PKNOX1: variants seen among roughly 807,000 people sequenced by gnomAD.
PKNOX1 encodes the protein PBX/knotted 1 homeobox 1, also known as homeobox protein PKNOX1.
Under a neutral mutation model 51.9 loss-of-function variants are expected in PKNOX1, and 15 were observed. The ratio of observed to expected loss-of-function variants is 0.29; its 90% confidence interval spans 0.19 to 0.45. PKNOX1 has a LOEUF of 0.45. Among genes scored for constraint, PKNOX1 ranks in the 20% least tolerant of loss-of-function variants. PKNOX1 has a pLI of 1.00. For synonymous variants in PKNOX1, 219 were observed against 211.1 expected, an observed-to-expected ratio of 1.04 and a Z score of -0.32; for missense variants, 462 against 547.5, an observed-to-expected ratio of 0.84 and a Z score of 1.56.
rs147829280 is a variant in PKNOX1, at chr21:43,019,987, T to C, written c.721-1316T>C. On this transcript the variant is annotated intron_variant, in intron 7 of 10. Coordinates refer to ENST00000291547, the MANE Select transcript of PKNOX1 (RefSeq NM_004571.5). ...TCGCTCTGTTACCCAGGCTGGAGTA[T>C]AGTGGCACAAACACAGCTCACTGAA... Among the ~76,000 whole-genome samples, 7 of 149,382 alleles carry C rather than the reference T, an allele frequency of 4.7e-5. No homozygotes were observed. The East Asian group carries it at 9.9e-4, about 21-fold the overall frequency.
At position 43,010,033 on chromosome 21, in the gene PKNOX1, T is replaced by A. The variant is rs1014339326; in HGVS notation, c.180-20T>A. On this transcript the variant is annotated intron_variant, in intron 3 of 10. Transcript: ENST00000291547. The stretch of plus-strand genomic sequence containing the variant: ...GAGATGTAGAACGTAAATGGATTCT[T>A]TTTTTTCTTTTCTCCTCAGGCATCC... 5 of 1,507,214 alleles carry A rather than the reference T, an allele frequency of 3.3e-6. No homozygotes were observed. In the African/African-American group the frequency reaches 7.1e-5, roughly 21 times the overall value. The allele number at this position is 1,507,214 out of a possible 1,614,324, so 93.4% of individuals were successfully genotyped here. A position where few individuals can be genotyped will look rare whatever the true frequency, so the allele number is the denominator to read the frequency against.
intron 1 of PKNOX1, 33 bp from the exon 2 acceptor site, chr21:43,004,293 A>G (rs1601287263): frequency 5.5e-6 from 5 of 910,896 alleles, no homozygotes; most frequent in Non-Finnish European, 9.1e-6. Context: ...CTCTACAACT[A>G]TTAACTGATG....
intron 1 of PKNOX1, among the ~76,000 whole-genome samples, chr21:42,979,944 C>A (rs537220449): frequency 6.6e-6 from 1 of 152,182 alleles, no homozygotes; most frequent in Non-Finnish European, 1.5e-5. Context: ...TGACTTGTTT[C>A]AAAGATTAAC....
At chr21:42,975,158 G>C (rs2058987254) in intron 1 of PKNOX1, among the ~76,000 whole-genome samples, 1 of 146,004 alleles carries the variant, frequency 6.8e-6, no homozygotes, top group African/African-American at 2.5e-5. Flanking sequence ...GGTCGGGTCC[G>C]CGGCCTCGCG....
At chr21:42,998,957 C>A (rs1316883999) in intron 1 of PKNOX1, among the ~76,000 whole-genome samples, 1 of 152,220 alleles carries the variant, frequency 6.6e-6, no homozygotes. Context: ...CTAGGCAGTG[C>A]CCCAGTAGGG....
At chr21:43,016,744 G>A (rs1037105690) in intron 5 of PKNOX1, among the ~76,000 whole-genome samples, 164 bp from the exon 6 acceptor site, 7 of 152,174 alleles carry the variant, frequency 4.6e-5, no homozygotes, top group South Asian at 4.1e-4. Flanking sequence ...CTTGCTTTCC[G>A]TGTGTGCTGC....
In PKNOX1 at chr21:43,028,774, GA is replaced by G; in HGVS notation, c.1006del (p.Thr336LeufsTer41). On this transcript the variant is annotated frameshift_variant, in exon 10 of 11. Coordinates refer to ENST00000291547, the MANE Select transcript of PKNOX1 (RefSeq NM_004571.5). LOFTEE classifies it high-confidence loss of function. ...SSCSETPKTK[K>X]KTAQNRPVQR... The stretch of plus-strand genomic sequence containing the variant: ...GTTGTTCAGAGACCCCCAAAACAAA[GA>G]AAAAAACTGCTCAGAACCGGCCAGT... 6.2e-7 allele frequency: 1 copy of G among 1,614,094 alleles called. No homozygotes were observed. The highest frequency in any genetic ancestry group is 8.5e-7 in the Non-Finnish European group (1 of 1,180,000).
intron 1 of PKNOX1, among the ~76,000 whole-genome samples, chr21:42,992,566 C>T (rs442965): frequency 0.2 from 31,177 of 152,098 alleles, 3,589 homozygotes; most frequent in Non-Finnish European, 0.25. Flanking sequence ...GACGACTCAG[C>T]GGCTGGGGGT....
intron 8 of PKNOX1, among the ~76,000 whole-genome samples, chr21:43,022,660 G>A (rs1160627607): frequency 1.3e-5 from 2 of 152,182 alleles, no homozygotes; most frequent in Non-Finnish European, 1.5e-5. Flanking sequence ...GGGCTGCTCC[G>A]AGAAATTGGT....
intron 1 of PKNOX1, among the ~76,000 whole-genome samples, chr21:42,994,026 C>G (rs1978369862): frequency 1.6e-5 from 2 of 122,800 alleles, no homozygotes; most frequent in Non-Finnish European, 3.4e-5. Flanking sequence ...GCCGCCGCGC[C>G]CAGCCTTTTT....
At chr21:42,979,100 T>C (rs867374344) in intron 1 of PKNOX1, among the ~76,000 whole-genome samples, 1 of 152,308 alleles carries the variant, frequency 6.6e-6, no homozygotes, top group Middle Eastern at 3.4e-3. Context: ...GAGGTCTCAT[T>C]ATGTTGCCTC....
rs146932438 is a variant in PKNOX1, at chr21:43,015,532, T to A, written c.523-1376T>A. On this transcript the variant is annotated intron_variant, in intron 5 of 10. Coordinates refer to ENST00000291547, the MANE Select transcript of PKNOX1 (RefSeq NM_004571.5). ...TGTCTATATTTGTAAGGGATATTGG[T>A]GTATAGTTTTGTTTTTCATACTGTC... 2.0e-4 allele frequency among the ~76,000 whole-genome samples: 30 copies of A among 152,344 alleles called. No individual in the cohort carries two copies. In the East Asian group the frequency reaches 5.6e-3, roughly 28 times the overall value.
Position 43,032,470 on chromosome 21 carries a change from C to A in PKNOX1, c.*2369C>A, listed in dbSNP as rs1327890835. ...TGGATTGAATTTAAGAGTGCTGCCC[C>A]TGCCCGGCGCAGTAGGGCGTGCCTC... is the stretch of plus-strand genomic sequence containing the variant. On this transcript the variant is annotated 3_prime_UTR_variant, in exon 11 of 11. Coordinates refer to ENST00000291547, the MANE Select transcript of PKNOX1 (RefSeq NM_004571.5). 4 of 275,336 alleles carry A rather than the reference C, an allele frequency of 1.5e-5. No individual in the cohort carries two copies. Among genetic ancestry groups the A allele is most frequent in the Non-Finnish European group, 3.0e-5 (4 of 135,038 alleles). The allele number at this position is 275,336 out of a possible 1,614,324, so 17.1% of individuals were successfully genotyped here. A position where few individuals can be genotyped will look rare whatever the true frequency, so the allele number is the denominator to read the frequency against.
At chr21:42,984,713 C>T (rs372678724) in intron 1 of PKNOX1, among the ~76,000 whole-genome samples, 11 of 151,706 alleles carry the variant, frequency 7.3e-5, no homozygotes, top group South Asian at 6.2e-4. Flanking sequence ...TATTATTTTA[C>T]GGCCATGCTC....
At chr21:42,985,126 T>C (rs763417116) in intron 1 of PKNOX1, among the ~76,000 whole-genome samples, 2 of 151,878 alleles carry the variant, frequency 1.3e-5, no homozygotes, top group Non-Finnish European at 2.9e-5. Flanking sequence ...TAGCTGGGAC[T>C]ACAGGCATGC....
At chr21:42,985,988 G>A (rs1397319433) in intron 1 of PKNOX1, among the ~76,000 whole-genome samples, 5 of 136,372 alleles carry the variant, frequency 3.7e-5, no homozygotes, top group African/African-American at 1.1e-4. Context: ...GCAACAGAGC[G>A]AGGCTCTGTC....
rs1337638444 is a variant in PKNOX1 at position 43,029,994 on chromosome 21, G to C, written c.1204G>C (p.Gly402Arg). 6.2e-7 allele frequency: 1 copy of C among 1,614,092 alleles called. No homozygotes were observed. The highest frequency in any genetic ancestry group is 1.1e-5 in the South Asian group (1 of 91,080). ...TLAVQQVMMA[G>R]QSEDESVDST... Reference sequence around the variant, plus strand: ...GGCGGTGCAGCAGGTCATGATGGCAGGGCAGAGCGAGGACGAGTCTGTGGA... The same window carrying C: ...GGCGGTGCAGCAGGTCATGATGGCACGGCAGAGCGAGGACGAGTCTGTGGA... The change falls in exon 11 of 11, where the codon GGG becomes CGG. Residue 402 changes from glycine (G) to arginine (R), a missense_variant. By Grantham distance (125) the Gly-to-Arg change is moderately radical (BLOSUM62 -2). Around this residue, in one of 5 missense-constraint regions of PKNOX1, gnomAD observed 118 missense variants for 116.8 expected, o/e 1.01. Coordinates refer to ENST00000291547, the MANE Select transcript of PKNOX1 (RefSeq NM_004571.5).
At chr21:43,017,572 A>G (rs1979549635) in intron 6 of PKNOX1, 1 of 152,222 alleles carries the variant, frequency 6.6e-6, no homozygotes, top group Admixed American at 6.5e-5. Context: ...AAAAAGCACC[A>G]TTGATCCAAA....
At chr21:43,025,799 G>A (rs1405696437) in intron 9 of PKNOX1, among the ~76,000 whole-genome samples, 1 of 152,176 alleles carries the variant, frequency 6.6e-6, no homozygotes, top group Non-Finnish European at 1.5e-5. Flanking sequence ...GTGCTAAAAT[G>A]TGAACTTGTT....
Sources: allele counts gnomAD v4.1 joint callset (sites outside exome capture counted in the v4.1 genomes callset), GRCh38; gene constraint gnomAD v4.1.1; regional missense constraint gnomAD v4.1.1; transcripts MANE v1.5; gene names NCBI Gene and HGNC (gene_info 2026-07-23, HGNC 2026-07-21).